The following COPG2 variants were observed in gnomAD, a reference collection of about 807,000 sequenced individuals.
The protein encoded by COPG2 is coat protein complex I subunit gamma 2, also known as coatomer subunit gamma-2.
COPG2 carries 37 observed loss-of-function variants against 46.3 expected under a neutral mutation model. The ratio of observed to expected loss-of-function variants is 0.80; its 90% CI spans 0.61 to 1.05. COPG2 has a LOEUF of 1.05. Ranked by LOEUF, COPG2 falls within the 50% of genes least tolerant of loss-of-function variation. The probability of loss-of-function intolerance (pLI) is 0.00; values close to 1 mark genes in which losing one functional copy is unlikely to be tolerated. For missense variants in COPG2, 427 were observed against 387.8 expected, an observed-to-expected ratio of 1.10 and a Z score of -0.85; for synonymous variants, 159 against 129.7, an observed-to-expected ratio of 1.23 and a Z score of -1.53.
At chr7:130,667,417 A>G in intron 2 of COPG2, 65 bp downstream of exon 2, 2 of 1,313,812 alleles carry the variant, frequency 1.5e-6, no homozygotes, top group Non-Finnish European at 2.2e-6. Context: ...CAGCCCAGGG[A>G]TTCTCTGCCC....
chr7:130,587,058 G>A (rs1261172882), intron 9 of COPG2, among the ~76,000 whole-genome samples: 1 of 151,872 alleles, frequency 6.6e-6, no homozygotes, highest in East Asian at 1.9e-4. Context: ...TGTAATCCTA[G>A]CACTTTAGGA....
At chr7:130,544,218 T>A (rs1793391754) in intron 20 of COPG2, among the ~76,000 whole-genome samples, 1 of 152,160 alleles carries the variant, frequency 6.6e-6, no homozygotes, top group African/African-American at 2.4e-5. Context: ...AGTAAAAAAC[T>A]CTGAGGCAAA....
At chr7:130,646,218 T>A (rs572289586) in intron 5 of COPG2, among the ~76,000 whole-genome samples, 141 of 152,352 alleles carry the variant, frequency 9.3e-4, no homozygotes, top group African/African-American at 3.2e-3. Context: ...GAGGTGTCCA[T>A]ACATTGGCTA....
intron 20 of COPG2, among the ~76,000 whole-genome samples, chr7:130,516,220 T>C (rs1799677170): frequency 6.6e-6 from 1 of 152,278 alleles, no homozygotes; most frequent in East Asian, 1.9e-4. Context: ...CTGGAGGTAT[T>C]TGGCACCATA....
intron 20 of COPG2, chr7:130,509,037 AAAC>A: frequency 4.2e-6 from 2 of 479,950 alleles, no homozygotes; most frequent in Non-Finnish European, 8.3e-6. Flanking sequence ...CCAAAAAAAA[AAAC>A]AAAAAAAAAA....
chr7:130,663,714 A>T lies in COPG2; in HGVS notation c.172-676T>A, dbSNP rs148446904. Among the ~76,000 whole-genome samples, 1,115 of 132,168 alleles carry T rather than the reference A, an allele frequency of 8.4e-3. 15 individuals carry two copies. The highest frequency in any genetic ancestry group is 0.028 in the African/African-American group (1,016 of 35,844). The allele number at this position is 132,168 out of a possible 152,430, so 86.7% of individuals were successfully genotyped here. On this transcript the variant is annotated intron_variant, in intron 3 of 23. Transcript: ENST00000425248. Reference sequence around the variant, plus strand: ...CAGTGGCTCTGGGGTAAAGCCTGAGATTTTGCATTTCTTTTCTTTTTTTTT... The same window carrying T: ...CAGTGGCTCTGGGGTAAAGCCTGAGTTTTTGCATTTCTTTTCTTTTTTTTT...
chr7:130,662,991 C>T lies in COPG2; in HGVS notation c.219G>A (p.Met73Ile), dbSNP rs1211319939. The part of the protein sequence containing the change: ...TTEATEAFFA[M>I]TRLFQSNDQT... ...CATCATTAGATTGAAACAATCGCGT[C>T]ATTGCAAAGAAGGCTTCTGTAGCTT... The change falls in exon 4 of 24, where the codon ATG (methionine) becomes ATA (isoleucine). Residue 73 changes from methionine (M) to isoleucine (I), a missense_variant. Met to Ile is a conservative substitution (Grantham distance 10, BLOSUM62 1). Coordinates refer to ENST00000425248, the MANE Select transcript of COPG2 (RefSeq NM_012133.6). 2 of 1,550,408 alleles carry T rather than the reference C, an allele frequency of 1.3e-6. No individual in the cohort carries two copies. The highest frequency in any genetic ancestry group is 1.7e-6 in the Non-Finnish European group (2 of 1,149,086).
At chr7:130,526,088 G>A (rs1440665931) in intron 20 of COPG2, among the ~76,000 whole-genome samples, 2 of 152,004 alleles carry the variant, frequency 1.3e-5, no homozygotes, top group African/African-American at 4.8e-5. Context: ...AGGAAGTGGC[G>A]GGACTGGCTG....
chr7:130,657,930 C>G (rs1252331856), intron 4 of COPG2, among the ~76,000 whole-genome samples: 8 of 152,140 alleles, frequency 5.3e-5, no homozygotes, highest in Non-Finnish European at 1.2e-4. Flanking sequence ...AACTGCTGCT[C>G]TCATACAGTG....
intron 5 of COPG2, among the ~76,000 whole-genome samples, chr7:130,642,763 C>T (rs1295983057): frequency 2.6e-5 from 4 of 152,230 alleles, no homozygotes; most frequent in African/African-American, 9.6e-5. Context: ...TAGCTCACGC[C>T]TGTAAGCCCA....
At chr7:130,519,014 A>C (rs2116344313) in intron 20 of COPG2, among the ~76,000 whole-genome samples, 1 of 151,962 alleles carries the variant, frequency 6.6e-6, no homozygotes, top group South Asian at 2.1e-4. Flanking sequence ...TCAAAAAAAA[A>C]AAAAAAAAAG....
At chr7:130,619,222 T>C (rs1794998673) in intron 5 of COPG2, among the ~76,000 whole-genome samples, 1 of 152,182 alleles carries the variant, frequency 6.6e-6, no homozygotes, top group African/African-American at 2.4e-5. Context: ...TAATGAGCAC[T>C]TGAAATATAG....
At chr7:130,574,485 G>A (rs1469262735) in intron 9 of COPG2, among the ~76,000 whole-genome samples, 4 of 152,108 alleles carry the variant, frequency 2.6e-5, no homozygotes, top group Admixed American at 6.6e-5. Flanking sequence ...CACGTCCATA[G>A]GAAAAGGGGG....
At chr7:130,601,827 AAAGGAAGGAAGG>A (rs1182457411) in intron 9 of COPG2, among the ~76,000 whole-genome samples, 1 of 151,972 alleles carries the variant, frequency 6.6e-6, no homozygotes, top group Non-Finnish European at 1.5e-5. Flanking sequence ...TATAATAAAA[AAAGGAAGGAAGG>A]AAGGAGGGAA....
intron 20 of COPG2, among the ~76,000 whole-genome samples, chr7:130,545,162 T>C (rs1365126113): frequency 1.6e-5 from 2 of 127,606 alleles, no homozygotes; most frequent in East Asian, 4.9e-4. Context: ...GTGAAGCAAC[T>C]TACCTATTAT....
intron 20 of COPG2, among the ~76,000 whole-genome samples, chr7:130,534,759 G>A (rs1799862455): frequency 1.3e-5 from 2 of 152,172 alleles, no homozygotes; most frequent in Admixed American, 1.3e-4. Flanking sequence ...GGCCAAGAGG[G>A]AAAGAGGAAA....
chr7:130,540,724 G>T (rs1336951881), intron 20 of COPG2, among the ~76,000 whole-genome samples: 1 of 152,090 alleles, frequency 6.6e-6, no homozygotes, highest in Non-Finnish European at 1.5e-5. Flanking sequence ...GCAAGCACTA[G>T]AATGGTCTAG....
chr7:130,662,835 A>G (rs1189146944), intron 4 of COPG2, 132 bp downstream of exon 4: 3 of 647,076 alleles, frequency 4.6e-6, no homozygotes, highest in African/African-American at 3.7e-5. Flanking sequence ...ATGAATATTT[A>G]TAAGTTTTAT....
At chr7:130,559,727 C>T (rs1042820425) in intron 12 of COPG2, among the ~76,000 whole-genome samples, 2 of 152,268 alleles carry the variant, frequency 1.3e-5, no homozygotes, top group African/African-American at 4.8e-5. Context: ...AAAACTCACT[C>T]CTACAAATGC....
Sources: allele counts gnomAD v4.1 joint callset (sites outside exome capture counted in the v4.1 genomes callset), GRCh38; gene constraint gnomAD v4.1.1; transcripts MANE v1.5; gene names NCBI Gene and HGNC (gene_info 2026-07-23, HGNC 2026-07-21).